Variants in PBLD observed in about 807,000 individuals in gnomAD.
PBLD encodes the protein phenazine biosynthesis like protein domain containing.
PBLD carries 26 observed loss-of-function variants against 31.3 expected under a neutral mutation model. The observed-to-expected ratio is 0.83, with a 90% CI of 0.61 to 1.15. PBLD has a LOEUF of 1.15. Ranked by LOEUF, PBLD falls within the 50% of genes most tolerant of loss-of-function variation. The pLI, the probability that PBLD is intolerant of heterozygous loss-of-function variation, is 0.00. For missense variants in PBLD, 307 were observed against 351.7 expected (o/e 0.87, Z 1.02); for synonymous variants, 114 against 129.0 (o/e 0.88, Z 0.79).
chr10:68,291,519 AT>A (rs1292776030), intron 6 of PBLD, among the ~76,000 whole-genome samples: 2 of 151,770 alleles, frequency 1.3e-5, no homozygotes, highest in East Asian at 1.9e-4. Flanking sequence ...GGAAGGTTCC[AT>A]TTTTTCCCTC....
chr10:68,316,060 C>CA (rs2044732638), intron 1 of PBLD, among the ~76,000 whole-genome samples: 1 of 151,778 alleles, frequency 6.6e-6, no homozygotes, highest in Non-Finnish European at 1.5e-5. Context: ...TTCCAGATTT[C>CA]AACAACAAAA....
chr10:68,308,668 C>A (rs2044614999), intron 1 of PBLD, among the ~76,000 whole-genome samples: 1 of 150,342 alleles, frequency 6.7e-6, no homozygotes, highest in African/African-American at 2.5e-5. Context: ...CATGCCTCAG[C>A]CTCCCAAGTA....
chr10:68,324,585 C>T (rs1002648862), intron 1 of PBLD, among the ~76,000 whole-genome samples: 2 of 151,648 alleles, frequency 1.3e-5, no homozygotes, highest in African/African-American at 2.4e-5. Flanking sequence ...TCTTACCCTC[C>T]CAATATCTAC....
At chr10:68,301,031 G>A (rs1421998168) in intron 2 of PBLD, among the ~76,000 whole-genome samples, 1 of 151,974 alleles carries the variant, frequency 6.6e-6, no homozygotes, top group East Asian at 1.9e-4. Flanking sequence ...TGAGTAGCTG[G>A]GATTACAAGT....
chr10:68,291,496 C>T (rs187457874), intron 6 of PBLD, among the ~76,000 whole-genome samples: 4 of 152,248 alleles, frequency 2.6e-5, no homozygotes, highest in African/African-American at 7.2e-5. Flanking sequence ...ACTGGGGACA[C>T]TGACAGCTGC....
chr10:68,297,278 G>C (rs1054876523), intron 2 of PBLD: 2 of 408,232 alleles, frequency 4.9e-6, no homozygotes, highest in Non-Finnish European at 8.9e-6. Flanking sequence ...CTGACAGAGT[G>C]TGCTGTCTTC....
At chr10:68,310,035 C>T (rs1236600616) in intron 1 of PBLD, among the ~76,000 whole-genome samples, 1 of 148,862 alleles carries the variant, frequency 6.7e-6, no homozygotes, top group Non-Finnish European at 1.5e-5. Flanking sequence ...ACTTGGGAGG[C>T]TGAGGCAGGA....
At chr10:68,314,659 G>A (rs941875405) in intron 1 of PBLD, among the ~76,000 whole-genome samples, 6 of 150,806 alleles carry the variant, frequency 4.0e-5, no homozygotes, top group East Asian at 2.0e-4. Flanking sequence ...GTGCAGTGGC[G>A]CAATCTTGGC....
chr10:68,291,967 CA>C, intron 6 of PBLD, 42 bp downstream of exon 6: 1 of 1,526,902 alleles, frequency 6.5e-7, no homozygotes, highest in Non-Finnish European at 9.1e-7. Flanking sequence ...TGTGTGCAAA[CA>C]ATAACAAATA....
At position 68,327,945 on chromosome 10, in the gene PBLD, T is replaced by C. The variant is rs139611627; in HGVS notation, c.-60+4839A>G. Among the ~76,000 whole-genome samples, 3 of 152,356 alleles carry C rather than the reference T, an allele frequency of 2.0e-5. No individual in the cohort carries two copies. In the East Asian group the frequency reaches 5.8e-4, roughly 29 times the overall value. ...GTGCTTTCTTCCTTTTGAGTTTTCA[T>C]TTGTTTACTTAGTATAATTATTAAG... is the stretch of plus-strand genomic sequence containing the variant. On this transcript the variant is annotated intron_variant, in intron 1 of 9. Coordinates refer to ENST00000358769, the MANE Select transcript of PBLD (RefSeq NM_022129.4).
At chr10:68,307,588 C>T (rs1391016876) in intron 1 of PBLD, among the ~76,000 whole-genome samples, 1 of 152,054 alleles carries the variant, frequency 6.6e-6, no homozygotes, top group East Asian at 1.9e-4. Context: ...CAAGCTCCCC[C>T]TCCCAGGTTC....
At chr10:68,289,251 G>C (rs2044326506) in intron 6 of PBLD, among the ~76,000 whole-genome samples, 1 of 152,178 alleles carries the variant, frequency 6.6e-6, no homozygotes, top group African/African-American at 2.4e-5. Context: ...ATTGTGGCCA[G>C]GTGCAGTGGC....
chr10:68,332,489 C>T (rs1432221721), intron 1 of PBLD, among the ~76,000 whole-genome samples: 1 of 152,240 alleles, frequency 6.6e-6, no homozygotes, highest in Non-Finnish European at 1.5e-5. Context: ...TCCCTGCTGG[C>T]TTGGCCTCCG....
At position 68,308,845 on chromosome 10, in the gene PBLD, G is replaced by GGTGTGTGTGTGTGTGTGT. The variant is rs374363010; in HGVS notation, c.-59-1960_-59-1943dup. On this transcript the variant is annotated intron_variant, in intron 1 of 9. Transcript: ENST00000358769. ...GTGCCCCACTGCACCTGACCTGCAT[G>GGTGTGTGTGTGTGTGTGT]GTGTGTGTGTGTGTGTGTGTGTGTG... is the stretch of plus-strand genomic sequence containing the variant. Among the ~76,000 whole-genome samples the GGTGTGTGTGTGTGTGTGT allele has an allele frequency of 4.2e-3, 544 of 130,356 alleles. 5 individuals carry two copies. Among genetic ancestry groups the GGTGTGTGTGTGTGTGTGT allele is most frequent in the Middle Eastern group, 0.016 (4 of 256 alleles). 85.5% of individuals were successfully genotyped at this position (130,356 alleles called of 152,430 possible).
In PBLD at chr10:68,292,246, A is replaced by G. The variant is rs1197029790; in HGVS notation, c.284-8T>C. On this transcript the variant is annotated splice_region_variant and splice_polypyrimidine_tract_variant and intron_variant, in intron 4 of 9. Transcript: ENST00000358769. The stretch of plus-strand genomic sequence containing the variant: ...GCGTGCTATTCATGTTTTCTGGCCA[A>G]AATAGGAATCAAGAAATAGGAAATA... The G allele has an allele frequency of 5.0e-6, 8 of 1,605,416 alleles. No individual in the cohort carries two copies. In the African/African-American group the frequency reaches 1.1e-4, roughly 21 times the overall value.
intron 1 of PBLD, among the ~76,000 whole-genome samples, chr10:68,309,960 A>AC (rs1564733917): frequency 6.7e-6 from 1 of 149,456 alleles, no homozygotes; most frequent in African/African-American, 2.5e-5. Flanking sequence ...ACACAGTGAA[A>AC]CCCCGTCTCT....
chr10:68,309,531 C>A (rs2044632574), intron 1 of PBLD, among the ~76,000 whole-genome samples: 1 of 149,248 alleles, frequency 6.7e-6, no homozygotes, highest in South Asian at 2.1e-4. Context: ...AAATATTGGC[C>A]AGGTGTGGTG....
Position 68,309,766 on chromosome 10 carries a change from C to CA in PBLD, c.-59-2864dup, listed in dbSNP as rs771221663. 4.1e-4 allele frequency among the ~76,000 whole-genome samples: 60 copies of CA among 145,882 alleles called. 1 individual carries two copies. Among genetic ancestry groups the CA allele is most frequent in the Non-Finnish European group, 7.6e-4 (51 of 67,054 alleles). ...AGGTTGTGGTGAGCCGAGATCACGCCACTGCTCTCCAGCCTGGTGACAGAG... is the reference window on the plus strand; with the variant it reads ...AGGTTGTGGTGAGCCGAGATCACGCCAACTGCTCTCCAGCCTGGTGACAGAG... On this transcript the variant is annotated intron_variant, in intron 1 of 9. Coordinates refer to ENST00000358769, the MANE Select transcript of PBLD (RefSeq NM_022129.4).
At chr10:68,297,062 T>C in intron 2 of PBLD, 77 bp from the exon 3 acceptor site, 1 of 1,115,406 alleles carries the variant, frequency 9.0e-7, no homozygotes, top group South Asian at 1.3e-5. Context: ...TACCATTAAC[T>C]TAAAAAGCAG....
Sources: allele counts gnomAD v4.1 joint callset (sites outside exome capture counted in the v4.1 genomes callset), GRCh38; gene constraint gnomAD v4.1.1; transcripts MANE v1.5; gene names NCBI Gene and HGNC (gene_info 2026-07-23, HGNC 2026-07-21).